The following GPATCH2 variants were observed in gnomAD, a reference collection of about 807,000 sequenced individuals.
The protein encoded by GPATCH2 is G patch domain-containing protein 2.
GPATCH2 carries 51 observed loss-of-function variants against 58.0 expected under a neutral mutation model. The observed-to-expected ratio is 0.88, with a 90% confidence interval of 0.70 to 1.11. The LOEUF is 1.11. Among genes scored for constraint, GPATCH2 ranks in the 50% most tolerant of loss-of-function variants. The pLI is 0.00. For missense variants in GPATCH2, 625 were observed against 652.2 expected (o/e 0.96, Z 0.45); for synonymous variants, 222 against 218.5 (o/e 1.02, Z -0.14).
At chr1:217,553,179 G>T (rs945791197) in intron 5 of GPATCH2, among the ~76,000 whole-genome samples, 3 of 151,958 alleles carry the variant, frequency 2.0e-5, no homozygotes, top group Non-Finnish European at 4.4e-5. Flanking sequence ...AAACTAAGGG[G>T]TTGCTTAGTT....
In GPATCH2 at chr1:217,430,608, A is replaced by G. The variant is rs931445107; in HGVS notation, c.*537T>C. 6.4e-6 allele frequency: 1 copy of G among 156,738 alleles called. No homozygotes were observed. Among genetic ancestry groups the G allele is most frequent in the Non-Finnish European group, 1.4e-5 (1 of 71,050 alleles). The allele number at this position is 156,738 out of a possible 1,614,324, so 9.7% of individuals were successfully genotyped here. On this transcript the variant is annotated 3_prime_UTR_variant, in exon 10 of 10. Transcript: ENST00000366935. ...GTCTAAGGATAGAAAATTGATGGGT[A>G]TCACTCTGTCAGAAAATCCTCACCA...
chr1:217,510,905 C>T (rs1442944566), intron 6 of GPATCH2, among the ~76,000 whole-genome samples: 1 of 151,872 alleles, frequency 6.6e-6, no homozygotes, highest in Non-Finnish European at 1.5e-5. Context: ...CCAGCCTGGC[C>T]AACATGGTGA....
At chr1:217,559,326 C>CA (rs113425713) in intron 5 of GPATCH2, among the ~76,000 whole-genome samples, 148 of 137,526 alleles carry the variant, frequency 1.1e-3, no homozygotes, top group South Asian at 2.1e-3. Context: ...TCACCCCCTG[C>CA]AAAAAAAAAA....
At position 217,610,909 on chromosome 1, in the gene GPATCH2, A is replaced by C. The variant is rs775701176; in HGVS notation, c.998T>G (p.Met333Arg). The C allele has an allele frequency of 3.1e-6, 5 of 1,612,854 alleles. No homozygotes were observed. Among genetic ancestry groups the C allele is most frequent in the Non-Finnish European group, 3.4e-6 (4 of 1,179,338 alleles). Residue 333 changes from methionine to arginine, a missense_variant, in exon 4 of 10, where the codon ATG (methionine) becomes AGG (arginine). Transcript: ENST00000366935. ...ESILTGSFPL[M>R]SHPSRRGFQA... ...CTGACCTCTTCTGCTTGGGTGTGACATAAGGGGAAAAGAACCAGTTAAGAT... is the reference window on the plus strand; with the variant it reads ...CTGACCTCTTCTGCTTGGGTGTGACCTAAGGGGAAAAGAACCAGTTAAGAT...
At chr1:217,581,392 T>C (rs1009088706) in intron 5 of GPATCH2, among the ~76,000 whole-genome samples, 2 of 152,154 alleles carry the variant, frequency 1.3e-5, no homozygotes, top group African/African-American at 4.8e-5. Flanking sequence ...GACAGAGAAG[T>C]TGAAGCTAAA....
At chr1:217,461,885 C>A (rs985011121) in intron 8 of GPATCH2, among the ~76,000 whole-genome samples, 3 of 152,086 alleles carry the variant, frequency 2.0e-5, no homozygotes, top group Admixed American at 6.5e-5. Flanking sequence ...TATGTTATAT[C>A]CCTAAAACTT....
At chr1:217,578,388 A>G (rs144059033) in intron 5 of GPATCH2, among the ~76,000 whole-genome samples, 2 of 152,052 alleles carry the variant, frequency 1.3e-5, no homozygotes, top group African/African-American at 4.8e-5. Flanking sequence ...GTAGCTGGGA[A>G]TACAGGCACA....
intron 9 of GPATCH2, among the ~76,000 whole-genome samples, chr1:217,444,430 T>G (rs1659289849): frequency 6.6e-6 from 1 of 152,210 alleles, no homozygotes; most frequent in South Asian, 2.1e-4. Context: ...TCAGCTATCT[T>G]TGTAAAAAGA....
At chr1:217,554,283 C>T (rs1665511779) in intron 5 of GPATCH2, among the ~76,000 whole-genome samples, 1 of 152,140 alleles carries the variant, frequency 6.6e-6, no homozygotes, top group Non-Finnish European at 1.5e-5. Context: ...GCTATAATTG[C>T]CACCTCCACC....
rs115423858 is a variant in GPATCH2, at chr1:217,444,886, C to T, written c.1366+4363G>A. ...AGTACCTTGAAAAGGAGCTTGGTTG[C>T]ACCACACATTTCTGATTATATTTGG... On this transcript the variant is annotated intron_variant, in intron 9 of 9. Coordinates refer to ENST00000366935, the MANE Select transcript of GPATCH2 (RefSeq NM_018040.5). Among the ~76,000 whole-genome samples the T allele has an allele frequency of 7.0e-3, 1,072 of 152,232 alleles. 15 individuals carry two copies. Among genetic ancestry groups the T allele is most frequent in the African/African-American group, 0.024 (996 of 41,544 alleles).
chr1:217,583,544 C>A (rs1251739286), intron 5 of GPATCH2, among the ~76,000 whole-genome samples: 1 of 133,394 alleles, frequency 7.5e-6, no homozygotes, highest in Non-Finnish European at 1.5e-5. Context: ...GCACTCCAGA[C>A]TGGGCATCAG....
intron 5 of GPATCH2, among the ~76,000 whole-genome samples, chr1:217,603,811 C>T (rs1236991317): frequency 2.6e-5 from 4 of 151,632 alleles, no homozygotes; most frequent in African/African-American, 7.2e-5. Context: ...TTAGTAGAGA[C>T]GGGGCTTCAC....
chr1:217,631,059 C>G lies in GPATCH2; in HGVS notation c.-88G>C, dbSNP rs1339599273. 10 of 1,302,524 alleles carry G rather than the reference C, an allele frequency of 7.7e-6. No homozygotes were observed. Among genetic ancestry groups the G allele is most frequent in the Non-Finnish European group, 9.5e-6 (9 of 942,560 alleles). 80.7% of individuals were successfully genotyped at this position (1,302,524 alleles called of 1,614,324 possible). On this transcript the variant is annotated 5_prime_UTR_variant, in exon 1 of 10. Transcript: ENST00000366935. Reference sequence around the variant, plus strand: ...CACCGGCGACTTCCAAAGAGCAGTTCAGCATTTTGAGATGAGCTTCCGGAA... The same window carrying G: ...CACCGGCGACTTCCAAAGAGCAGTTGAGCATTTTGAGATGAGCTTCCGGAA...
intron 6 of GPATCH2, among the ~76,000 whole-genome samples, chr1:217,505,682 CTGTTTT>C (rs1364677465): frequency 6.6e-6 from 1 of 152,122 alleles, no homozygotes; most frequent in Non-Finnish European, 1.5e-5. Flanking sequence ...AGATAAGTTT[CTGTTTT>C]TGGAGTCAGA....
At chr1:217,461,190 T>A (rs1660182940) in intron 8 of GPATCH2, among the ~76,000 whole-genome samples, 1 of 152,180 alleles carries the variant, frequency 6.6e-6, no homozygotes, top group Non-Finnish European at 1.5e-5. Context: ...ATATAAGAAG[T>A]TATTTCTATT....
intron 6 of GPATCH2, among the ~76,000 whole-genome samples, chr1:217,502,411 C>T (rs772834450): frequency 6.6e-6 from 1 of 151,976 alleles, no homozygotes; most frequent in Non-Finnish European, 1.5e-5. Context: ...TTTAATCTCC[C>T]ATTTTATTTT....
chr1:217,482,894 T>C (rs1324436017), intron 8 of GPATCH2, among the ~76,000 whole-genome samples: 1 of 152,186 alleles, frequency 6.6e-6, no homozygotes, highest in Non-Finnish European at 1.5e-5. Context: ...TTTGTAGCCC[T>C]TTCCTCCCAC....
intron 4 of GPATCH2, 122 bp downstream of exon 4, chr1:217,610,767 G>A: frequency 1.5e-6 from 1 of 661,070 alleles, no homozygotes; most frequent in Non-Finnish European, 2.6e-6. Flanking sequence ...TGGCCAATAT[G>A]TTTCTTTACA....
At chr1:217,620,530 T>G (rs1669133846) in intron 1 of GPATCH2, 31 bp from the exon 2 acceptor site, 1 of 1,346,014 alleles carries the variant, frequency 7.4e-7, no homozygotes, top group East Asian at 2.3e-5. Flanking sequence ...AAAAAGAAAA[T>G]AGTCAGTCTT....
Sources: gnomAD v4.1 joint callset for allele counts (sites outside exome capture counted in the v4.1 genomes callset) on GRCh38, gnomAD v4.1.1 for gene constraint, MANE v1.5 for transcripts, NCBI Gene and HGNC (gene_info 2026-07-23, HGNC 2026-07-21) for gene names.